Variants in UBR2 observed in about 807,000 individuals in gnomAD.
UBR2 encodes ubiquitin protein ligase E3 component n-recognin 2.
UBR2 carries 92 observed loss-of-function variants against 247.9 expected under a neutral mutation model. The ratio of observed to expected loss-of-function variants is 0.37; its 90% CI spans 0.31 to 0.44. UBR2 has a LOEUF of 0.44. UBR2 is among the 20% of genes least tolerant of loss of function. The pLI is 1.00. For missense variants in UBR2, 1,613 were observed against 2,112.6 expected, an observed-to-expected ratio of 0.76 and a Z score of 4.64; for synonymous variants, 672 against 693.5, an observed-to-expected ratio of 0.97 and a Z score of 0.49.
intron 13 of UBR2, 56 bp downstream of exon 13, chr6:42,632,960 T>TC: frequency 3.0e-6 from 2 of 656,778 alleles, no homozygotes; most frequent in Non-Finnish European, 4.2e-6. Flanking sequence ...TCTTTTCTCT[T>TC]TTTTTTTTTT....
rs1433113411 is a variant in UBR2 at position 42,619,432 on chromosome 6, TATATATATATATATATATA to T, written c.1281+1926_1281+1944del. 36 of 19,734 alleles carry T rather than the reference TATATATATATATATATATA, an allele frequency of 1.8e-3. 3 individuals carry two copies. Among genetic ancestry groups the T allele is most frequent in the Middle Eastern group, 0.029 (2 of 68 alleles). 1.2% of individuals were successfully genotyped at this position (19,734 alleles called of 1,614,324 possible). ...ATGAACATATATATATATATATATA[TATATATATATATATATATA>T]TATTTTTTTTTTTTAGTTCTCTATC... On this transcript the variant is annotated intron_variant, in intron 11 of 46. Transcript: ENST00000372901.
At chr6:42,583,669 G>A (rs1224548262) in intron 2 of UBR2, among the ~76,000 whole-genome samples, 2 of 151,736 alleles carry the variant, frequency 1.3e-5, no homozygotes, top group African/African-American at 2.4e-5. Context: ...CTACAGGCAC[G>A]CACCACCAGT....
At position 42,676,770 on chromosome 6, in the gene UBR2, C is replaced by T. The variant is rs2151987898; in HGVS notation, c.4388-13C>T. 1 of 1,606,248 alleles carries T rather than the reference C, an allele frequency of 6.2e-7. No individual in the cohort carries two copies. The highest frequency in any genetic ancestry group is 8.5e-7 in the Non-Finnish European group (1 of 1,173,186). On this transcript the variant is annotated splice_polypyrimidine_tract_variant and intron_variant, in intron 39 of 46. Transcript: ENST00000372901. Reference sequence around the variant, plus strand: ...TGGAAAATACAGAGTACTAGTATTTCCTTATCTTTCAGAAGAGAATGGCAT... The same window carrying T: ...TGGAAAATACAGAGTACTAGTATTTTCTTATCTTTCAGAAGAGAATGGCAT...
In UBR2 at chr6:42,612,194, G is replaced by C. The variant is rs749011972; in HGVS notation, c.888G>C (p.Lys296Asn). The change falls in exon 8 of 47, where the codon AAG becomes AAC. Residue 296 changes from lysine (K) to asparagine (N), a missense_variant. Lys to Asn is a moderately conservative substitution (Grantham distance 94). Coordinates refer to ENST00000372901, the MANE Select transcript of UBR2 (RefSeq NM_001363705.2). ...AGAGAAATACCAGTAGACAGACAAA[G>C]CCACTCAAAGTTCAAGTTATGCATT... Reference protein sequence around the residue: ...VIVRNTSRQTKPLKVQVMHSS... With the variant: ...VIVRNTSRQTNPLKVQVMHSS... 1 of 1,545,418 alleles carries C rather than the reference G, an allele frequency of 6.5e-7. No homozygotes were observed. Among genetic ancestry groups the C allele is most frequent in the Non-Finnish European group, 8.8e-7 (1 of 1,130,768 alleles).
At chr6:42,588,620 A>C (rs1184285514) in intron 2 of UBR2, among the ~76,000 whole-genome samples, 1 of 152,172 alleles carries the variant, frequency 6.6e-6, no homozygotes, top group Admixed American at 6.5e-5. Context: ...AGCTGTGATC[A>C]GGCCACACTG....
chr6:42,675,906 G>C (rs542033794), intron 38 of UBR2, 150 bp from the exon 39 acceptor site: 9 of 1,002,050 alleles, frequency 9.0e-6, no homozygotes, highest in Non-Finnish European at 1.4e-6. Flanking sequence ...GCAGTGAACC[G>C]AGGTTGCGCC....
Position 42,612,306 on chromosome 6 carries a change from G to T in UBR2, c.985+15G>T. On this transcript the variant is annotated intron_variant, in intron 8 of 46. Transcript: ENST00000372901. The stretch of plus-strand genomic sequence containing the variant: ...TGGATATTCAGGTAGGTTCATAAAA[G>T]TTCATGCCAATTGTCTATTAAAAAT... 6.7e-7 allele frequency: 1 copy of T among 1,490,808 alleles called. No individual in the cohort carries two copies. The highest frequency in any genetic ancestry group is 9.1e-7 in the Non-Finnish European group (1 of 1,097,900). The allele number at this position is 1,490,808 out of a possible 1,614,324, so 92.3% of individuals were successfully genotyped here.
rs370624208 is a variant in UBR2, at chr6:42,676,868, G to A, written c.4473G>A (p.Thr1491=). The change falls in exon 40 of 47, where the codon ACG becomes ACA. Residue 1491 remains threonine (T), a synonymous_variant. Transcript: ENST00000372901. ...LALYKTLHQY[T]GSALKEIPSG... is the part of the protein sequence containing the mutation. ...TGTATAAAACACTTCACCAGTATACGGGAAGGTGAGTTAGTTATCTTTACA... is the reference window on the plus strand; with the variant it reads ...TGTATAAAACACTTCACCAGTATACAGGAAGGTGAGTTAGTTATCTTTACA... The A allele has an allele frequency of 1.5e-5, 24 of 1,611,958 alleles. No individual in the cohort carries two copies. Among genetic ancestry groups the A allele is most frequent in the African/African-American group, 1.2e-4 (9 of 74,884 alleles).
Position 42,659,479 on chromosome 6 carries a change from G to A in UBR2, c.3243-177G>A, listed in dbSNP as rs1797652220. 6.6e-6 allele frequency among the ~76,000 whole-genome samples: 1 copy of A among 151,322 alleles called. No individual in the cohort carries two copies. Among genetic ancestry groups the A allele is most frequent in the Non-Finnish European group, 1.5e-5 (1 of 67,920 alleles). On this transcript the variant is annotated intron_variant, in intron 29 of 46. Transcript: ENST00000372901. This position sits in a 1 kb window ranked among gnomAD's most constrained non-coding sequence, Gnocchi z 4.3. ...TTGTGCCACTCACCCCAGCCTGGGTGACAGAGCAAGACTCTGTCTCAAAAA... is the reference window on the plus strand; with the variant it reads ...TTGTGCCACTCACCCCAGCCTGGGTAACAGAGCAAGACTCTGTCTCAAAAA...
At chr6:42,587,965 A>G (rs1185988551) in intron 2 of UBR2, among the ~76,000 whole-genome samples, 2 of 152,120 alleles carry the variant, frequency 1.3e-5, no homozygotes, top group Non-Finnish European at 2.9e-5. Flanking sequence ...TTTTTACCCT[A>G]AGGATTTCTC....
At position 42,612,995 on chromosome 6, in the gene UBR2, G is replaced by A. The variant is rs149089546; in HGVS notation, c.985+704G>A. On this transcript the variant is annotated intron_variant, in intron 8 of 46. Transcript: ENST00000372901. ...ATGTTCCTGTAATCCCAGCTACTCA[G>A]GAGGCTGAGGCAGGAGAATCACTTG... Among the ~76,000 whole-genome samples, 609 of 152,240 alleles carry A rather than the reference G, an allele frequency of 4.0e-3. 1 individual carries two copies. Among genetic ancestry groups the A allele is most frequent in the African/African-American group, 0.014 (566 of 41,534 alleles).
intron 11 of UBR2, among the ~76,000 whole-genome samples, chr6:42,624,679 G>T (rs1299161744): frequency 6.6e-6 from 1 of 152,096 alleles, no homozygotes; most frequent in Non-Finnish European, 1.5e-5. Context: ...ATGCTGATTG[G>T]TTGAGGAGAG....
At chr6:42,652,688 A>G (rs1722774844) in intron 25 of UBR2, 43 bp downstream of exon 25, 1 of 1,540,702 alleles carries the variant, frequency 6.5e-7, no homozygotes, top group Non-Finnish European at 8.8e-7. Context: ...AGTATTTTAT[A>G]GTACAAGCAA....
chr6:42,611,493 A>G (rs1185310976), intron 7 of UBR2, among the ~76,000 whole-genome samples: 2 of 151,370 alleles, frequency 1.3e-5, no homozygotes, highest in African/African-American at 2.4e-5. Context: ...CATCACATCT[A>G]TGCAATAAAT....
rs989820215 is a variant in UBR2, at chr6:42,691,400, G to A, written c.*227G>A. 8 of 555,462 alleles carry A rather than the reference G, an allele frequency of 1.4e-5. No homozygotes were observed. The highest frequency in any genetic ancestry group is 3.8e-5 in the African/African-American group (2 of 52,702). The allele number at this position is 555,462 out of a possible 1,614,324, so 34.4% of individuals were successfully genotyped here. A position where few individuals can be genotyped will look rare whatever the true frequency, so the allele number is the denominator to read the frequency against. On this transcript the variant is annotated 3_prime_UTR_variant, in exon 47 of 47. Coordinates refer to ENST00000372901, the MANE Select transcript of UBR2 (RefSeq NM_001363705.2). ...ATAATGTCTTGGGTTTTAAGATCGA[G>A]CAAGGAGCTTCTCTTCCTAGATTGG...
chr6:42,645,135 G>T (rs934035234), intron 20 of UBR2, among the ~76,000 whole-genome samples: 2 of 152,020 alleles, frequency 1.3e-5, no homozygotes, highest in African/African-American at 2.4e-5. Flanking sequence ...GGAAAGGAAG[G>T]CTCTCTCTCC....
rs1445212440 is a variant in UBR2, at chr6:42,689,350, A to T, written c.5025-219A>T. ...AATGTCTGTTTAATTGTGCTGTACT[A>T]TTAATGCCAGAAAAAGGCAAATGTC... On this transcript the variant is annotated intron_variant, in intron 45 of 46. Transcript: ENST00000372901. The surrounding 1 kb of genome is among the most constrained non-coding windows in gnomAD (Gnocchi z 4.0). Among the ~76,000 whole-genome samples the T allele has an allele frequency of 6.6e-6, 1 of 152,166 alleles. No homozygotes were observed. The highest frequency in any genetic ancestry group is 2.4e-5 in the African/African-American group (1 of 41,448).
intron 36 of UBR2, among the ~76,000 whole-genome samples, chr6:42,671,438 C>A (rs1254065187): frequency 2.0e-5 from 3 of 151,444 alleles, no homozygotes; most frequent in Non-Finnish European, 2.9e-5. Flanking sequence ...GAAGAAGAAG[C>A]AGAAGAATGT....
intron 1 of UBR2, among the ~76,000 whole-genome samples, chr6:42,572,986 G>A (rs887579406): frequency 1.3e-5 from 2 of 152,074 alleles, no homozygotes; most frequent in Admixed American, 6.6e-5. Context: ...AAGCTTTTCA[G>A]ATTTTTCGGT....
Sources: allele counts gnomAD v4.1 joint callset (sites outside exome capture counted in the v4.1 genomes callset), GRCh38; gene constraint gnomAD v4.1.1; non-coding constraint Gnocchi (gnomAD v3.1); transcripts MANE v1.5; gene names NCBI Gene and HGNC (gene_info 2026-07-23, HGNC 2026-07-21).